The following TMEM178B variants were observed in gnomAD, a reference collection of about 807,000 sequenced individuals.
The protein encoded by TMEM178B is transmembrane protein 178B.
A neutral mutation model predicts 31.0 loss-of-function variants in TMEM178B; 5 were observed. That is an observed-to-expected ratio of 0.16 (90% CI 0.08 to 0.34). TMEM178B has a LOEUF of 0.34. Among genes scored for constraint, TMEM178B ranks in the 10% least tolerant of loss-of-function variants. The pLI is 1.00. For synonymous variants in TMEM178B, 164 were observed against 164.0 expected (o/e 1.00, Z 0.00); for missense variants, 275 against 400.3 (o/e 0.69, Z 2.67).
chr7:141,401,478 C>A, intron 2 of TMEM178B, among the ~76,000 whole-genome samples: 2 of 152,306 alleles, frequency 1.3e-5, no homozygotes, highest in Middle Eastern at 6.8e-3. Context: ...CAGTGTGGTG[C>A]GATCATAGCT....
At chr7:141,334,576 CAG>C (rs1381335227) in intron 2 of TMEM178B, among the ~76,000 whole-genome samples, 1 of 152,120 alleles carries the variant, frequency 6.6e-6, no homozygotes, top group African/African-American at 2.4e-5. Flanking sequence ...TCCTTGGGAA[CAG>C]GGGGGAAAAG....
chr7:141,483,325 T>C (rs1218892687), downstream of TMEM178B, among the ~76,000 whole-genome samples: 1 of 152,102 alleles, frequency 6.6e-6, no homozygotes, highest in East Asian at 1.9e-4. Context: ...TCCTATATTC[T>C]TTCTCTTTCC....
chr7:141,223,479 C>CTTTT lies in TMEM178B; in HGVS notation c.496+10789_496+10792dup, dbSNP rs10680431. Reference sequence around the variant, plus strand: ...GCTGATGTTCTCTGCTGTTTTCACTCTTTTTTTTTTTTTTTTTGTATTTCC... The same window carrying CTTTT: ...GCTGATGTTCTCTGCTGTTTTCACTCTTTTTTTTTTTTTTTTTTTTTGTATTTCC... On this transcript the variant is annotated intron_variant, in intron 2 of 3. Coordinates refer to ENST00000565468, the MANE Select transcript of TMEM178B (RefSeq NM_001195278.2). Among the ~76,000 whole-genome samples, 462 of 131,136 alleles carry CTTTT rather than the reference C, an allele frequency of 3.5e-3. 6 individuals carry two copies. Among genetic ancestry groups the CTTTT allele is most frequent in the African/African-American group, 0.013 (431 of 33,070 alleles). 86.0% of individuals were successfully genotyped at this position (131,136 alleles called of 152,430 possible).
intron 2 of TMEM178B, among the ~76,000 whole-genome samples, chr7:141,428,527 C>T (rs553725641): frequency 1.6e-4 from 24 of 152,220 alleles, no homozygotes; most frequent in Admixed American, 7.2e-4. Flanking sequence ...ATATGACCTT[C>T]CTGTGAAAAT....
chr7:141,448,027 T>G (rs1801792716), intron 3 of TMEM178B, among the ~76,000 whole-genome samples: 1 of 151,438 alleles, frequency 6.6e-6, no homozygotes, highest in Non-Finnish European at 1.5e-5. Context: ...AGAAACCAGA[T>G]CTCGTCTCTA....
rs529367773 is a variant in TMEM178B at position 141,384,744 on chromosome 7, A to T, written c.497-52864A>T. ...GAACTTTAAAGTAGTTTTTTTCCAA[A>T]TCTGTGAAGAAAGTCATTGGTAGCT... is the stretch of plus-strand genomic sequence containing the variant. On this transcript the variant is annotated intron_variant, in intron 2 of 3. Transcript: ENST00000565468. Among the ~76,000 whole-genome samples, 74 of 152,212 alleles carry T rather than the reference A, an allele frequency of 4.9e-4. 1 individual carries two copies. The Middle Eastern group carries it at 0.014, about 28-fold the overall frequency.
At chr7:141,227,576 CT>C (rs1383498519) in intron 2 of TMEM178B, among the ~76,000 whole-genome samples, 1 of 152,110 alleles carries the variant, frequency 6.6e-6, no homozygotes, top group African/African-American at 2.4e-5. Context: ...TCCTATGAGC[CT>C]TATGATGACT....
chr7:141,128,561 A>G lies in TMEM178B; in HGVS notation c.382+53869A>G, dbSNP rs183762842. On this transcript the variant is annotated intron_variant, in intron 1 of 3. Coordinates refer to ENST00000565468, the MANE Select transcript of TMEM178B (RefSeq NM_001195278.2). ...TCCTTGAAAAAAAAAAAGCTCCAAA[A>G]TATGTTAAACAAATTGTTAATTCAT... Among the ~76,000 whole-genome samples the G allele has an allele frequency of 3.5e-3, 530 of 152,248 alleles. 12 individuals are homozygous for G. The highest frequency in any genetic ancestry group is 1.0e-3 in the Non-Finnish European group (69 of 68,006).
chr7:141,122,099 T>G (rs1795417247), intron 1 of TMEM178B, among the ~76,000 whole-genome samples: 1 of 152,098 alleles, frequency 6.6e-6, no homozygotes, highest in Admixed American at 6.6e-5. Context: ...TTATTAGAAA[T>G]AAATGAAAAT....
intron 2 of TMEM178B, among the ~76,000 whole-genome samples, chr7:141,418,578 C>T (rs1304470150): frequency 6.6e-6 from 1 of 152,134 alleles, no homozygotes; most frequent in Non-Finnish European, 1.5e-5. Flanking sequence ...GACCCTTATG[C>T]TAGGTTTGCC....
intron 1 of TMEM178B, among the ~76,000 whole-genome samples, chr7:141,106,587 G>A (rs1048403368): frequency 6.6e-6 from 1 of 152,072 alleles, no homozygotes; most frequent in Non-Finnish European, 1.5e-5. Flanking sequence ...CCAGATATCT[G>A]GAGCCTTCTT....
chr7:141,074,919 C>T lies in TMEM178B; in HGVS notation c.382+227C>T, dbSNP rs1794572990. Among the ~76,000 whole-genome samples, 2 of 152,244 alleles carry T rather than the reference C, an allele frequency of 1.3e-5. No individual in the cohort carries two copies. The highest frequency in any genetic ancestry group is 4.8e-5 in the African/African-American group (2 of 41,472). Reference sequence around the variant, plus strand: ...CCCCTGCCTCTCCTTTCGCGCGTCTCTGTCGGGATTCGAGTGGAACCTCAT... The same window carrying T: ...CCCCTGCCTCTCCTTTCGCGCGTCTTTGTCGGGATTCGAGTGGAACCTCAT... On this transcript the variant is annotated intron_variant, in intron 1 of 3. Coordinates refer to ENST00000565468, the MANE Select transcript of TMEM178B (RefSeq NM_001195278.2). The surrounding 1 kb of genome is among the most constrained non-coding windows in gnomAD (Gnocchi z 5.1).
chr7:141,079,269 A>G (rs764556435), intron 1 of TMEM178B, among the ~76,000 whole-genome samples: 27 of 152,192 alleles, frequency 1.8e-4, no homozygotes, highest in Non-Finnish European at 3.4e-4. Flanking sequence ...CCTGGGTGAC[A>G]GAGCGAGACT....
intron 1 of TMEM178B, among the ~76,000 whole-genome samples, chr7:141,084,965 G>A (rs567526035): frequency 1.3e-5 from 2 of 151,590 alleles, no homozygotes; most frequent in East Asian, 1.9e-4. Flanking sequence ...CGCAACCTCC[G>A]CCTCCCGGGT....
At chr7:141,491,230 C>T in the TMEM178B span, among the ~76,000 whole-genome samples, 1 of 151,848 alleles carries the variant, frequency 6.6e-6, no homozygotes, top group Non-Finnish European at 1.5e-5. Context: ...ATGGAGTCTC[C>T]CTAGGTTTTC....
the TMEM178B span, among the ~76,000 whole-genome samples, chr7:141,508,538 G>A: frequency 6.6e-6 from 1 of 152,132 alleles, no homozygotes; most frequent in Admixed American, 6.5e-5. Context: ...CCAATTTACT[G>A]TATTAGTCCG....
intron 3 of TMEM178B, among the ~76,000 whole-genome samples, chr7:141,464,547 T>A (rs574327329): frequency 6.6e-6 from 1 of 152,210 alleles, no homozygotes; most frequent in Non-Finnish European, 1.5e-5. Context: ...AAAAGCTTTT[T>A]ATTTTAGATT....
intron 2 of TMEM178B, among the ~76,000 whole-genome samples, chr7:141,409,886 A>G (rs1800949837): frequency 6.6e-6 from 1 of 151,798 alleles, no homozygotes; most frequent in Admixed American, 6.6e-5. Context: ...CCAGCTCTCA[A>G]CTCCTTTCAA....
chr7:141,374,267 A>G (rs1354347707), intron 2 of TMEM178B, among the ~76,000 whole-genome samples: 1 of 152,170 alleles, frequency 6.6e-6, no homozygotes, highest in African/African-American at 2.4e-5. Context: ...CTGTGGCTCT[A>G]ATGGGAGAGA....
Sources: allele counts gnomAD v4.1 joint callset (sites outside exome capture counted in the v4.1 genomes callset), GRCh38; gene constraint gnomAD v4.1.1; non-coding constraint Gnocchi (gnomAD v3.1); transcripts MANE v1.5; gene names NCBI Gene and HGNC (gene_info 2026-07-23, HGNC 2026-07-21).